DAB1: variants seen among roughly 807,000 people sequenced by gnomAD.
The protein encoded by DAB1 is disabled homolog 1.
A neutral mutation model predicts 64.6 loss-of-function variants in DAB1; 15 were observed. The observed-to-expected ratio is 0.23, with a 90% CI of 0.16 to 0.36. The LOEUF (loss-of-function observed/expected upper bound fraction) is 0.36, where lower values mean the gene tolerates loss of function less well. Ranked by LOEUF, DAB1 falls within the 10% of genes least tolerant of loss-of-function variation. The probability of loss-of-function intolerance (pLI) is 1.00; values close to 1 mark genes in which losing one functional copy is unlikely to be tolerated. For missense variants in DAB1, 596 were observed against 706.7 expected (o/e 0.84, Z 1.78); for synonymous variants, 235 against 251.9 (o/e 0.93, Z 0.64).
chr1:57,468,535 C>A (rs1168083224), intron 7 of DAB1, among the ~76,000 whole-genome samples: 1 of 152,148 alleles, frequency 6.6e-6, no homozygotes, highest in African/African-American at 2.4e-5. Flanking sequence ...ATCTCAGTAT[C>A]TTACAGAGTT....
intron 7 of DAB1, among the ~76,000 whole-genome samples, chr1:57,534,504 GC>G (rs1324003648): frequency 6.6e-6 from 1 of 152,156 alleles, no homozygotes; most frequent in Non-Finnish European, 1.5e-5. Flanking sequence ...GATCAATTAG[GC>G]CCTGGAGGGA....
At chr1:58,270,234 C>A (rs1389034572) in intron 4 of DAB1, among the ~76,000 whole-genome samples, 13 of 108,778 alleles carry the variant, frequency 1.2e-4, no homozygotes, top group Non-Finnish European at 2.2e-4. Flanking sequence ...TTTCAGCTTT[C>A]TACATATGGC....
At chr1:58,312,194 C>G (rs1662445855) in intron 4 of DAB1, among the ~76,000 whole-genome samples, 1 of 152,108 alleles carries the variant, frequency 6.6e-6, no homozygotes, top group Admixed American at 6.5e-5. Flanking sequence ...AGAAGACATC[C>G]TAAGAGAGCA....
chr1:57,329,211 G>A (rs1391428279), intron 1 of DAB1, among the ~76,000 whole-genome samples: 1 of 152,144 alleles, frequency 6.6e-6, no homozygotes, highest in Non-Finnish European at 1.5e-5. Context: ...TTAATCCCAA[G>A]GTCACAAAAC....
upstream of DAB1, among the ~76,000 whole-genome samples, chr1:57,888,357 G>C (rs1355162276): frequency 1.3e-5 from 2 of 152,036 alleles, no homozygotes; most frequent in Non-Finnish European, 2.9e-5. Flanking sequence ...CCATCAGATG[G>C]ATATACAGAA....
chr1:58,358,446 T>C (rs1422837537), intron 3 of DAB1, among the ~76,000 whole-genome samples: 1 of 151,992 alleles, frequency 6.6e-6, no homozygotes, highest in Non-Finnish European at 1.5e-5. Flanking sequence ...CAACATCTAG[T>C]TAAGGGAAAA....
At position 58,311,780 on chromosome 1, in the gene DAB1, A is replaced by G. The variant is rs963401287; in HGVS notation, n.309+31572T>C. Reference sequence around the variant, plus strand: ...CTTTATCTTTCATAAGTGCTACCCCAGTAAGTCTCTTGCACTTCTAACTCT... The same window carrying G: ...CTTTATCTTTCATAAGTGCTACCCCGGTAAGTCTCTTGCACTTCTAACTCT... On this transcript the variant is annotated intron_variant and non_coding_transcript_variant, in intron 4 of 20. Transcript: ENST00000485760. 2.0e-5 allele frequency among the ~76,000 whole-genome samples: 3 copies of G among 152,140 alleles called. No homozygotes were observed. In the East Asian group the frequency reaches 5.8e-4, roughly 29 times the overall value.
intron 5 of DAB1, among the ~76,000 whole-genome samples, chr1:58,053,063 T>C (rs894552084): frequency 1.3e-5 from 2 of 152,172 alleles, no homozygotes; most frequent in Non-Finnish European, 2.9e-5. Context: ...TGGGAACTAA[T>C]AGAGTAAGAA....
intron 6 of DAB1, among the ~76,000 whole-genome samples, chr1:57,744,532 A>C (rs1648169813): frequency 1.3e-5 from 2 of 152,212 alleles, no homozygotes; most frequent in Admixed American, 1.3e-4. Context: ...AACTGGCACC[A>C]TTCTAAGTAC....
intron 2 of DAB1, among the ~76,000 whole-genome samples, chr1:57,231,810 AG>A (rs969596527): frequency 6.6e-6 from 1 of 152,220 alleles, no homozygotes; most frequent in African/African-American, 2.4e-5. Context: ...ATTTGGGGAA[AG>A]GGCAGGCAAA....
intron 14 of DAB1, among the ~76,000 whole-genome samples, chr1:57,010,322 C>T (rs533406978): frequency 1.3e-5 from 2 of 152,130 alleles, no homozygotes; most frequent in Non-Finnish European, 1.5e-5. Context: ...TCTATCACCA[C>T]CAACCACGCA....
rs1288509707 is a variant in DAB1 at position 58,225,333 on chromosome 1, G to A, written n.310-74745C>T. ...AACTACAGGTGCTGAAGAGGATGTG[G>A]AGAAATAGGAACACTTTTACACTGT... On this transcript the variant is annotated intron_variant and non_coding_transcript_variant, in intron 4 of 20. Coordinates refer to the DAB1 transcript ENST00000485760. 5.3e-5 allele frequency among the ~76,000 whole-genome samples: 8 copies of A among 152,282 alleles called. No homozygotes were observed. In the East Asian group the frequency reaches 1.2e-3, roughly 22 times the overall value.
At chr1:58,290,495 T>C (rs1661791256) in intron 4 of DAB1, among the ~76,000 whole-genome samples, 1 of 152,132 alleles carries the variant, frequency 6.6e-6, no homozygotes, top group Non-Finnish European at 1.5e-5. Flanking sequence ...GAAGTAGACA[T>C]GAGGCATGCA....
At chr1:58,338,433 T>A (rs1663173293) in intron 4 of DAB1, among the ~76,000 whole-genome samples, 1 of 152,238 alleles carries the variant, frequency 6.6e-6, no homozygotes, top group Non-Finnish European at 1.5e-5. Context: ...AAGGCATAGA[T>A]ATTCTTCAAT....
intron 3 of DAB1, among the ~76,000 whole-genome samples, chr1:58,351,487 G>A (rs1644057181): frequency 1.3e-5 from 2 of 152,052 alleles, no homozygotes; most frequent in South Asian, 4.2e-4. Flanking sequence ...AGTGAAGGAG[G>A]TGGAAGGAGA....
intron 5 of DAB1, among the ~76,000 whole-genome samples, chr1:57,959,659 C>A (rs540555267): frequency 6.6e-6 from 1 of 152,286 alleles, no homozygotes; most frequent in African/African-American, 2.4e-5. Context: ...AGCTCACATA[C>A]TGAGCATGCT....
chr1:58,071,756 T>C (rs1649278049), intron 5 of DAB1: 1 of 152,186 alleles, frequency 6.6e-6, no homozygotes, highest in Non-Finnish European at 1.5e-5. Flanking sequence ...AAGAAATGCA[T>C]GTGAACACAC....
chr1:58,089,639 T>C (rs986720099), intron 5 of DAB1, among the ~76,000 whole-genome samples: 1 of 152,148 alleles, frequency 6.6e-6, no homozygotes, highest in Non-Finnish European at 1.5e-5. Context: ...AAGAGAAACA[T>C]TGCAGGGAAA....
chr1:58,346,204 C>T (rs1457972741), intron 3 of DAB1, among the ~76,000 whole-genome samples: 3 of 152,244 alleles, frequency 2.0e-5, no homozygotes, highest in Non-Finnish European at 2.9e-5. Flanking sequence ...AGGCGGCCTG[C>T]AGCCTGATCA....
Sources: allele counts gnomAD v4.1 joint callset (sites outside exome capture counted in the v4.1 genomes callset), GRCh38; gene constraint gnomAD v4.1.1; transcripts MANE v1.5; gene names NCBI Gene and HGNC (gene_info 2026-07-23, HGNC 2026-07-21).